MRAP2: variants seen among roughly 807,000 people sequenced by gnomAD.
The protein encoded by MRAP2 is melanocortin 2 receptor accessory protein 2.
MRAP2 carries 20 observed loss-of-function variants against 17.4 expected under a neutral mutation model. That is an observed-to-expected ratio of 1.15 (90% CI 0.81 to 1.67). The LOEUF is 1.67. Ranked by LOEUF, MRAP2 falls within the 40% of genes most tolerant of loss-of-function variation. The pLI is 0.00. For missense variants in MRAP2, 238 were observed against 240.0 expected, an observed-to-expected ratio of 0.99 and a Z score of 0.05; for synonymous variants, 96 against 88.4, an observed-to-expected ratio of 1.09 and a Z score of -0.48.
the MRAP2 span, among the ~76,000 whole-genome samples, chr6:84,137,566 T>C: frequency 2.0e-5 from 3 of 151,906 alleles, no homozygotes; most frequent in Admixed American, 6.6e-5. Context: ...AATGAAAAAA[T>C]CTGTAATCAG....
chr6:84,080,021 G>GT (rs35507269), intron 3 of MRAP2, among the ~76,000 whole-genome samples: 44,384 of 148,444 alleles, frequency 0.3, 7,960 homozygotes, highest in African/African-American at 0.52. Flanking sequence ...TATTGCCAGG[G>GT]TTTTTTTTTT....
At chr6:84,034,278 C>G (rs757005408) in intron 1 of MRAP2, among the ~76,000 whole-genome samples, 5 of 152,108 alleles carry the variant, frequency 3.3e-5, no homozygotes, top group Admixed American at 6.5e-5. Context: ...CCTTGGTGCC[C>G]TGCAACTGAG....
the MRAP2 span, among the ~76,000 whole-genome samples, chr6:84,105,504 A>G: frequency 6.6e-6 from 1 of 152,172 alleles, no homozygotes; most frequent in Non-Finnish European, 1.5e-5. Flanking sequence ...CATGGGAAAG[A>G]CTTGCCCCCA....
chr6:84,131,231 GA>G, the MRAP2 span, among the ~76,000 whole-genome samples: 3 of 152,258 alleles, frequency 2.0e-5, no homozygotes, highest in Non-Finnish European at 4.4e-5. Context: ...TGTTTGTTAT[GA>G]TTTCCATTCT....
intron 1 of MRAP2, among the ~76,000 whole-genome samples, chr6:84,039,131 A>G (rs1055825844): frequency 6.6e-6 from 1 of 152,238 alleles, no homozygotes; most frequent in African/African-American, 2.4e-5. Flanking sequence ...TGGCTCATCA[A>G]ATAAAATCAC....
chr6:84,143,973 C>T, the MRAP2 span, among the ~76,000 whole-genome samples: 3 of 151,812 alleles, frequency 2.0e-5, no homozygotes, highest in African/African-American at 7.3e-5. Context: ...CTGTATTTGC[C>T]TTTAGAATCT....
intron 1 of MRAP2, among the ~76,000 whole-genome samples, chr6:84,047,094 T>A (rs1233620541): frequency 2.0e-5 from 3 of 152,116 alleles, no homozygotes. Context: ...GGTTCTCTTT[T>A]GCTTTAGAGA....
At chr6:84,120,214 A>T in the MRAP2 span, among the ~76,000 whole-genome samples, 2 of 152,188 alleles carry the variant, frequency 1.3e-5, no homozygotes, top group African/African-American at 2.4e-5. Flanking sequence ...TTTGTTCTAT[A>T]TAGGCCCTCA....
At chr6:84,086,887 C>G (rs2099500620) in intron 3 of MRAP2, among the ~76,000 whole-genome samples, 1 of 152,178 alleles carries the variant, frequency 6.6e-6, no homozygotes, top group South Asian at 2.1e-4. Flanking sequence ...TATGGAAGAG[C>G]AGCCACACAC....
chr6:84,145,462 G>GTGAT, the MRAP2 span, among the ~76,000 whole-genome samples: 5 of 152,086 alleles, frequency 3.3e-5, no homozygotes, highest in Admixed American at 3.3e-4. Context: ...TGGTCTTATT[G>GTGAT]TGATTATCTC....
intron 2 of MRAP2, 175 bp from the exon 3 acceptor site, chr6:84,062,718 A>G: frequency 3.0e-6 from 3 of 985,044 alleles, no homozygotes; most frequent in Non-Finnish European, 3.6e-6. Flanking sequence ...GGCGGAGCAG[A>G]CTCTTCCCTC....
downstream of MRAP2, among the ~76,000 whole-genome samples, chr6:84,094,698 AT>A (rs889929370): frequency 7.3e-3 from 1,073 of 146,716 alleles, 7 homozygotes; most frequent in African/African-American, 0.024. Context: ...TCATAAGATA[AT>A]TTTTTTTTTT....
At chr6:84,087,226 A>T (rs773769599) in intron 3 of MRAP2, among the ~76,000 whole-genome samples, 1 of 152,170 alleles carries the variant, frequency 6.6e-6, no homozygotes, top group African/African-American at 2.4e-5. Flanking sequence ...TAAGATGAAC[A>T]TTGGTTCAGT....
the MRAP2 span, among the ~76,000 whole-genome samples, chr6:84,141,153 A>G: frequency 6.6e-3 from 1,005 of 152,264 alleles, 7 homozygotes; most frequent in African/African-American, 0.023. Context: ...ACAGGCCATG[A>G]ACTGGTACTG....
intron 2 of MRAP2, among the ~76,000 whole-genome samples, chr6:84,060,276 T>C (rs2099492757): frequency 1.3e-5 from 2 of 152,182 alleles, no homozygotes; most frequent in African/African-American, 4.8e-5. Context: ...CTGAAGGCTG[T>C]AACCCTCCCA....
the MRAP2 span, among the ~76,000 whole-genome samples, chr6:84,112,918 G>GT: frequency 0.012 from 1,885 of 152,292 alleles, 36 homozygotes; most frequent in African/African-American, 0.042. Context: ...TTTTGAGTGA[G>GT]TTTTTAATCC....
rs746999407 is a variant in MRAP2 at position 84,073,870 on chromosome 6, TTG to T, written c.227+10896_227+10897del. On this transcript the variant is annotated intron_variant, in intron 3 of 3. Transcript: ENST00000257776. Reference sequence around the variant, plus strand: ...ATTTGCTTAAAACATTATGAGATATTTGTGTGTGTGTGTGTGTGTTTTTTTTT... The same window carrying T: ...ATTTGCTTAAAACATTATGAGATATTTGTGTGTGTGTGTGTGTTTTTTTTT... Among the ~76,000 whole-genome samples, 58 of 148,312 alleles carry T rather than the reference TTG, an allele frequency of 3.9e-4. No homozygotes were observed. The East Asian group carries it at 5.3e-3, about 14-fold the overall frequency.
At chr6:84,060,424 G>A (rs1053569947) in intron 2 of MRAP2, among the ~76,000 whole-genome samples, 5 of 152,174 alleles carry the variant, frequency 3.3e-5, no homozygotes, top group Admixed American at 3.3e-4. Flanking sequence ...TGTGAAAGCT[G>A]TCCTTAGGAG....
At chr6:84,049,435 CA>C (rs1450370008) in intron 1 of MRAP2, among the ~76,000 whole-genome samples, 1 of 151,878 alleles carries the variant, frequency 6.6e-6, no homozygotes, top group Admixed American at 6.6e-5. Flanking sequence ...AGAAAAAAAA[CA>C]CACAAAAAAC....
Sources: gnomAD v4.1 joint callset for allele counts (sites outside exome capture counted in the v4.1 genomes callset) on GRCh38, gnomAD v4.1.1 for gene constraint, MANE v1.5 for transcripts, NCBI Gene and HGNC (gene_info 2026-07-23, HGNC 2026-07-21) for gene names.